PRKACB: variants seen among roughly 807,000 people sequenced by gnomAD.
PRKACB encodes protein kinase cAMP-activated catalytic subunit beta.
In PRKACB, 16 loss-of-function variants were observed where a neutral mutation model predicts 51.4. The ratio of observed to expected loss-of-function variants is 0.31; its 90% CI spans 0.21 to 0.47. PRKACB has a LOEUF of 0.47. Ranked by LOEUF, PRKACB falls within the 20% of genes least tolerant of loss-of-function variation. The probability of loss-of-function intolerance (pLI) is 1.00; values close to 1 mark genes in which losing one functional copy is unlikely to be tolerated. For missense variants in PRKACB, 309 were observed against 464.5 expected (o/e 0.67, Z 3.08); for synonymous variants, 147 against 154.4 (o/e 0.95, Z 0.35).
chr1:84,104,406 C>T (rs959795301), intron 1 of PRKACB, among the ~76,000 whole-genome samples: 1 of 151,986 alleles, frequency 6.6e-6, no homozygotes, highest in Non-Finnish European at 1.5e-5. Context: ...TAGGTTGATT[C>T]CATATCTTGA....
chr1:84,234,022 G>GT (rs1558360674), intron 9 of PRKACB, among the ~76,000 whole-genome samples: 2 of 151,440 alleles, frequency 1.3e-5, no homozygotes, highest in East Asian at 1.9e-4. Context: ...TTTCTGCTCT[G>GT]TTTTTTCCCC....
chr1:84,127,968 G>A (rs886163313), intron 1 of PRKACB, among the ~76,000 whole-genome samples: 1 of 148,796 alleles, frequency 6.7e-6, no homozygotes, highest in Non-Finnish European at 1.5e-5. Flanking sequence ...TCAGATTCCA[G>A]TCTATTCTTT....
chr1:84,212,538 A>C (rs1672298531), intron 8 of PRKACB, among the ~76,000 whole-genome samples: 1 of 151,756 alleles, frequency 6.6e-6, no homozygotes, highest in Admixed American at 6.6e-5. Flanking sequence ...CAGTGTAATA[A>C]AGAGCAAAAT....
upstream of PRKACB, among the ~76,000 whole-genome samples, chr1:84,140,271 A>T (rs760101687): frequency 2.0e-5 from 3 of 152,228 alleles, no homozygotes; most frequent in East Asian, 3.8e-4. Flanking sequence ...GTAAATGGAT[A>T]TATAAATTGT....
chr1:84,119,374 T>C (rs1042498319), intron 1 of PRKACB, among the ~76,000 whole-genome samples: 1 of 152,168 alleles, frequency 6.6e-6, no homozygotes, highest in African/African-American at 2.4e-5. Context: ...AGAAGGAGAA[T>C]GGAAGGGACA....
chr1:84,110,369 CATATATATATATGTAAGTAT>C (rs1571616742), intron 1 of PRKACB, among the ~76,000 whole-genome samples: 1 of 150,536 alleles, frequency 6.6e-6, no homozygotes, highest in Non-Finnish European at 1.5e-5. Context: ...TGTATGTTTA[CATATATATATATGTAAGTAT>C]ATATATATAC....
At chr1:84,169,969 T>C (rs1658877045) in intron 1 of PRKACB, among the ~76,000 whole-genome samples, 1 of 151,678 alleles carries the variant, frequency 6.6e-6, no homozygotes, top group Non-Finnish European at 1.5e-5. Context: ...GGGCAGAAAT[T>C]ATTTAAGATC....
chr1:84,179,144 A>G (rs1558132855), intron 1 of PRKACB, 33 bp from the exon 2 acceptor site: 1 of 1,544,876 alleles, frequency 6.5e-7, no homozygotes, highest in South Asian at 1.2e-5. Context: ...ATATTCTTAC[A>G]AGATAAATTT....
intron 1 of PRKACB, among the ~76,000 whole-genome samples, chr1:84,176,351 G>T (rs1262427577): frequency 6.6e-6 from 1 of 151,678 alleles, no homozygotes; most frequent in Non-Finnish European, 1.5e-5. Context: ...GAAGAGAAAG[G>T]CATTTAGAAG....
chr1:84,115,425 C>G (rs1650551853), intron 1 of PRKACB, among the ~76,000 whole-genome samples: 1 of 151,912 alleles, frequency 6.6e-6, no homozygotes, highest in Non-Finnish European at 1.5e-5. Context: ...GGATATTAGT[C>G]CCCTGTTGCA....
chr1:84,133,075 A>C (rs1652412638), intron 1 of PRKACB, among the ~76,000 whole-genome samples: 1 of 152,150 alleles, frequency 6.6e-6, no homozygotes, highest in Admixed American at 6.5e-5. Context: ...CGTGCACATT[A>C]TATTTAAAAA....
At position 84,214,166 on chromosome 1, in the gene PRKACB, C is replaced by T; in HGVS notation, c.920C>T (p.Ser307Phe). ...KIVSGKVRFP[S>F]HFSSDLKDLL... ...GTGTTTGTGTAGGTCCGATTCCCAT[C>T]CCACTTCAGTTCAGATCTCAAGGAC... Residue 307 changes from serine (S) to phenylalanine (F), a missense_variant, in exon 9 of 10, where the codon TCC (serine) becomes TTC (phenylalanine). Ser to Phe is a radical substitution (Grantham distance 155). Coordinates refer to ENST00000370685, the MANE Select transcript of PRKACB (RefSeq NM_182948.4). 1 of 1,610,366 alleles carries T rather than the reference C, an allele frequency of 6.2e-7. No individual in the cohort carries two copies. The highest frequency in any genetic ancestry group is 8.5e-7 in the Non-Finnish European group (1 of 1,178,646).
rs1676844335 is a variant in PRKACB at position 84,238,406 on chromosome 1, A to G, written c.*3101A>G. The G allele has an allele frequency of 1.3e-5, 2 of 152,606 alleles. No individual in the cohort carries two copies. The highest frequency in any genetic ancestry group is 2.4e-5 in the African/African-American group (1 of 41,446). The allele number at this position is 152,606 out of a possible 1,614,324, so 9.5% of individuals were successfully genotyped here. ...TTCTTTGTTTAGAATGGAATTTCCTATGCACTACTGTAGCTAGGAAATGCT... is the reference window on the plus strand; with the variant it reads ...TTCTTTGTTTAGAATGGAATTTCCTGTGCACTACTGTAGCTAGGAAATGCT... On this transcript the variant is annotated 3_prime_UTR_variant, in exon 10 of 10. Transcript: ENST00000370685.
chr1:84,224,653 C>T (rs780306207), intron 9 of PRKACB, among the ~76,000 whole-genome samples: 3 of 152,156 alleles, frequency 2.0e-5, no homozygotes, highest in Non-Finnish European at 4.4e-5. Flanking sequence ...ACTCAGGCCC[C>T]TCAATGGTGC....
At chr1:84,174,461 A>G (rs530294030) in intron 1 of PRKACB, among the ~76,000 whole-genome samples, 7 of 151,952 alleles carry the variant, frequency 4.6e-5, no homozygotes, top group African/African-American at 1.7e-4. Flanking sequence ...GATTCATGTA[A>G]GCTTCTCATT....
intron 1 of PRKACB, among the ~76,000 whole-genome samples, chr1:84,146,761 C>T (rs768260658): frequency 2.6e-4 from 40 of 152,072 alleles, no homozygotes; most frequent in Non-Finnish European, 5.0e-4. Flanking sequence ...ACATGAAATG[C>T]AGCATGCTTC....
At chr1:84,222,569 C>T (rs1673900258) in intron 9 of PRKACB, among the ~76,000 whole-genome samples, 1 of 151,964 alleles carries the variant, frequency 6.6e-6, no homozygotes, top group East Asian at 1.9e-4. Context: ...AGTCCTTTCT[C>T]TTTCTCATTT....
At chr1:84,234,134 A>G (rs566447801) in intron 9 of PRKACB, among the ~76,000 whole-genome samples, 49 of 152,252 alleles carry the variant, frequency 3.2e-4, no homozygotes, top group Non-Finnish European at 6.3e-4. Flanking sequence ...CTTCTAACAG[A>G]CAGGACCCTC....
intron 1 of PRKACB, among the ~76,000 whole-genome samples, chr1:84,085,425 T>TA (rs1647889724): frequency 6.6e-6 from 1 of 152,196 alleles, no homozygotes; most frequent in African/African-American, 2.4e-5. Flanking sequence ...AGTGACGGTA[T>TA]AAAATCAAGA....
Sources: allele counts gnomAD v4.1 joint callset (sites outside exome capture counted in the v4.1 genomes callset), GRCh38; gene constraint gnomAD v4.1.1; transcripts MANE v1.5; gene names NCBI Gene and HGNC (gene_info 2026-07-23, HGNC 2026-07-21).